Variants in GABRB3 observed in about 807,000 individuals in gnomAD.
GABRB3 encodes gamma-aminobutyric acid receptor subunit beta-3.
In GABRB3, 14 loss-of-function variants were observed where a neutral mutation model predicts 52.1. The ratio of observed to expected loss-of-function variants is 0.27; its 90% CI spans 0.18 to 0.42. The LOEUF (loss-of-function observed/expected upper bound fraction) is 0.42, where lower values mean the gene tolerates loss of function less well. Ranked by LOEUF, GABRB3 falls within the 10% of genes least tolerant of loss-of-function variation. The pLI is 1.00. For missense variants in GABRB3, 307 were observed against 609.1 expected (o/e 0.50, Z 5.22); for synonymous variants, 260 against 232.3 (o/e 1.12, Z -1.08).
At chr15:26,573,017 T>A (rs1227956998) in intron 6 of GABRB3, among the ~76,000 whole-genome samples, 1 of 152,188 alleles carries the variant, frequency 6.6e-6, no homozygotes, top group Non-Finnish European at 1.5e-5. Flanking sequence ...GAAGAACTCA[T>A]TAAAAATGTG....
chr15:26,547,704 C>G lies in GABRB3; in HGVS notation c.*89G>C, dbSNP rs963359469. On this transcript the variant is annotated 3_prime_UTR_variant, in exon 9 of 9. Transcript: ENST00000311550. ...TATATGTGTGTGTCTGCTTGTGTGTCTGTGTGTGTACAGGTATAAAAACTT... is the reference window on the plus strand; with the variant it reads ...TATATGTGTGTGTCTGCTTGTGTGTGTGTGTGTGTACAGGTATAAAAACTT... 1.7e-5 allele frequency: 16 copies of G among 959,866 alleles called. No homozygotes were observed. The highest frequency in any genetic ancestry group is 9.7e-5 in the African/African-American group (6 of 61,894). The allele number at this position is 959,866 out of a possible 1,614,324, so 59.5% of individuals were successfully genotyped here.
At chr15:26,682,765 G>T (rs1016451728) in intron 3 of GABRB3, among the ~76,000 whole-genome samples, 1 of 152,184 alleles carries the variant, frequency 6.6e-6, no homozygotes, top group African/African-American at 2.4e-5. Context: ...AGGACTTGAG[G>T]CTCTGAAAAG....
intron 3 of GABRB3, among the ~76,000 whole-genome samples, chr15:26,732,187 T>C (rs988291943): frequency 8.0e-5 from 12 of 150,728 alleles, no homozygotes; most frequent in Admixed American, 5.3e-4. Flanking sequence ...GGTGGATGAA[T>C]GTATAGATGG....
chr15:26,619,765 G>A (rs780369737), intron 4 of GABRB3, among the ~76,000 whole-genome samples: 5 of 151,574 alleles, frequency 3.3e-5, no homozygotes, highest in Non-Finnish European at 5.9e-5. Context: ...AAAATTCCTA[G>A]ATTAATTTTT....
intron 3 of GABRB3, among the ~76,000 whole-genome samples, chr15:26,641,245 C>T (rs1893192496): frequency 6.6e-6 from 1 of 152,226 alleles, no homozygotes; most frequent in Admixed American, 6.5e-5. Context: ...CCTTCTGACG[C>T]AGGACATGAG....
intron 3 of GABRB3, among the ~76,000 whole-genome samples, chr15:26,684,207 G>A (rs1174026329): frequency 6.6e-6 from 1 of 152,066 alleles, no homozygotes; most frequent in African/African-American, 2.4e-5. Flanking sequence ...TCTTTAGTCC[G>A]AAACTTACAC....
intron 3 of GABRB3, among the ~76,000 whole-genome samples, chr15:26,678,405 C>G (rs1888132891): frequency 5.3e-5 from 8 of 152,232 alleles, no homozygotes; most frequent in Admixed American, 5.2e-4. Flanking sequence ...ACACACCTGA[C>G]TGCAGAGTGC....
rs138894146 is a variant in GABRB3, at chr15:26,577,067, T to C, written c.682+3252A>G. ...AACATACAGAAAGAAATGAGCAAGA[T>C]AGACAGGATATGATGACAAGATCGG... On this transcript the variant is annotated intron_variant, in intron 6 of 8. Transcript: ENST00000311550. Among the ~76,000 whole-genome samples, 3 of 152,148 alleles carry C rather than the reference T, an allele frequency of 2.0e-5. No homozygotes were observed. The East Asian group carries it at 5.8e-4, about 29-fold the overall frequency.
At chr15:26,669,663 C>T (rs1838198669) in intron 3 of GABRB3, among the ~76,000 whole-genome samples, 1 of 151,922 alleles carries the variant, frequency 6.6e-6, no homozygotes, top group Non-Finnish European at 1.5e-5. Flanking sequence ...CTCAGTAGTC[C>T]TCCTATTCTG....
chr15:26,772,594 C>CCGCG, intron 2 of GABRB3, 87 bp downstream of exon 2: 1 of 1,433,082 alleles, frequency 7.0e-7, no homozygotes, highest in Non-Finnish European at 9.4e-7. Context: ...CGCCGCTGCT[C>CCGCG]CGCGGATGCG....
chr15:26,709,151 C>T (rs1011819488), intron 3 of GABRB3, among the ~76,000 whole-genome samples: 5 of 152,204 alleles, frequency 3.3e-5, no homozygotes, highest in Non-Finnish European at 7.3e-5. Flanking sequence ...GTCAAGCAAT[C>T]ATCACCACTG....
rs773647626 is a variant in GABRB3, at chr15:26,560,971, G to A, written c.1041C>T (p.Ala347=). ...QRQKKLAEKT[A]KAKNDRSKSE... ...TCTTTGAACGGTCATTCTTTGCCTT[G>A]GCTGTCTTTTCTGCAAGCTTCTTCT... The change falls in exon 8 of 9, where the codon GCC becomes GCT. Residue 347 remains alanine, a synonymous_variant. Transcript: ENST00000311550. The A allele has an allele frequency of 7.4e-6, 12 of 1,614,096 alleles. No homozygotes were observed. The highest frequency in any genetic ancestry group is 8.5e-6 in the Non-Finnish European group (10 of 1,179,986).
At chr15:26,769,718 CCA>C (rs1478072856) in intron 3 of GABRB3, among the ~76,000 whole-genome samples, 1 of 152,138 alleles carries the variant, frequency 6.6e-6, no homozygotes, top group Non-Finnish European at 1.5e-5. Context: ...ATGAAAGTTT[CCA>C]CATCAAATAC....
chr15:26,750,979 C>A (rs17117335), intron 3 of GABRB3, among the ~76,000 whole-genome samples: 37,474 of 152,050 alleles, frequency 0.25, 4,890 homozygotes, highest in Non-Finnish European at 0.28. Context: ...AGTAACAAGT[C>A]AGTATTTGGC....
chr15:26,738,491 T>C (rs1595560077), intron 3 of GABRB3, among the ~76,000 whole-genome samples: 1 of 152,210 alleles, frequency 6.6e-6, no homozygotes, highest in African/African-American at 2.4e-5. Flanking sequence ...AATTCCTTTT[T>C]TTGGCTGAAA....
At chr15:26,552,474 C>G (rs1889511733) in intron 8 of GABRB3, among the ~76,000 whole-genome samples, 1 of 152,152 alleles carries the variant, frequency 6.6e-6, no homozygotes, top group Admixed American at 6.5e-5. Context: ...AGAAGCCCAA[C>G]AGTTAAATTC....
intron 4 of GABRB3, among the ~76,000 whole-genome samples, chr15:26,587,171 C>A (rs1047304329): frequency 6.6e-6 from 1 of 152,174 alleles, no homozygotes; most frequent in African/African-American, 2.4e-5. Context: ...CGCCACGCAA[C>A]TCCCTCTTCA....
intron 4 of GABRB3, among the ~76,000 whole-genome samples, chr15:26,611,508 A>G (rs958379116): frequency 4.6e-5 from 7 of 152,188 alleles, no homozygotes; most frequent in Non-Finnish European, 7.4e-5. Flanking sequence ...TTATTGAATA[A>G]AAGAATAACT....
rs942786026 is a variant in GABRB3, at chr15:26,699,005, G to A, written c.240+73397C>T. 7.9e-5 allele frequency among the ~76,000 whole-genome samples: 12 copies of A among 152,030 alleles called. 1 individual carries two copies. In the East Asian group the frequency reaches 1.2e-3, roughly 15 times the overall value. ...TAATAAAACTAAGAGAAAAAGGAAC[G>A]TCATTCATATAGTGTGATGAGCGTT... On this transcript the variant is annotated intron_variant, in intron 3 of 8. Transcript: ENST00000311550.
Sources: allele counts gnomAD v4.1 joint callset (sites outside exome capture counted in the v4.1 genomes callset), GRCh38; gene constraint gnomAD v4.1.1; transcripts MANE v1.5; gene names NCBI Gene and HGNC (gene_info 2026-07-23, HGNC 2026-07-21).